The following PAH variants were observed in gnomAD, a reference collection of about 807,000 sequenced individuals.
The protein encoded by PAH is phenylalanine hydroxylase.
A neutral mutation model predicts 62.0 loss-of-function variants in PAH; 64 were observed. That is an observed-to-expected ratio of 1.03 (90% confidence interval 0.84 to 1.27). The LOEUF (loss-of-function observed/expected upper bound fraction) is 1.27, where lower values mean the gene tolerates loss of function less well. Among genes scored for constraint, PAH ranks in the 50% most tolerant of loss-of-function variants. PAH has a pLI of 0.00. For missense variants in PAH, 579 were observed against 542.8 expected (o/e 1.07, Z -0.66); for synonymous variants, 195 against 196.2 (o/e 0.99, Z 0.05).
rs1459776552 is a variant in PAH at position 102,855,197 on chromosome 12, C to T, written c.645G>A (p.Lys215=). The change falls in exon 6 of 13, where the codon AAG becomes AAA. Residue 215 remains lysine (K), a synonymous_variant. Transcript: ENST00000553106. ...EYNHIFPLLE[K]YCGFHEDNIP... ...TGTTATCTTCATGGAAGCCACAGTA[C>T]TTTTCAAGAAGTGGAAAAATGTGAT... is the stretch of plus-strand genomic sequence containing the variant. 1.9e-6 allele frequency: 3 copies of T among 1,614,160 alleles called. No individual in the cohort carries two copies. The highest frequency in any genetic ancestry group is 2.2e-5 in the South Asian group (2 of 91,076).
chr12:102,933,328 T>G (rs937106480), intron 1 of PAH, among the ~76,000 whole-genome samples: 2 of 152,218 alleles, frequency 1.3e-5, no homozygotes. Context: ...TATGGCTGAA[T>G]AGTACTCCAT....
intron 1 of PAH, among the ~76,000 whole-genome samples, chr12:102,913,543 T>C (rs1210081300): frequency 6.6e-6 from 1 of 151,868 alleles, no homozygotes; most frequent in South Asian, 2.1e-4. Context: ...ATTCAGAGGA[T>C]GAAAAAAGGA....
chr12:102,847,884 C>G (rs1284777308), intron 8 of PAH, among the ~76,000 whole-genome samples: 1 of 152,146 alleles, frequency 6.6e-6, no homozygotes, highest in Non-Finnish European at 1.5e-5. Flanking sequence ...GCTTGCATTT[C>G]TTTCCCAAGA....
chr12:102,862,946 GAA>G (rs35122890), intron 5 of PAH, among the ~76,000 whole-genome samples: 1 of 147,472 alleles, frequency 6.8e-6, no homozygotes, highest in Non-Finnish European at 1.5e-5. Flanking sequence ...CAATGATGGT[GAA>G]AAAAAAAAAA....
chr12:102,903,836 C>T (rs1403926720), intron 2 of PAH, among the ~76,000 whole-genome samples: 1 of 152,126 alleles, frequency 6.6e-6, no homozygotes, highest in Non-Finnish European at 1.5e-5. Flanking sequence ...TGCTTGTTTG[C>T]TTGTTCCCTT....
intron 9 of PAH, among the ~76,000 whole-genome samples, chr12:102,846,691 C>T (rs1874858634): frequency 6.6e-6 from 1 of 152,196 alleles, no homozygotes; most frequent in Non-Finnish European, 1.5e-5. Flanking sequence ...GAGATGTAAA[C>T]ATCTGTAGGT....
chr12:102,924,182 G>A (rs1172737127), intron 1 of PAH, among the ~76,000 whole-genome samples: 1 of 152,170 alleles, frequency 6.6e-6, no homozygotes, highest in East Asian at 1.9e-4. Flanking sequence ...CCAGCCATTT[G>A]TTTTAGTCTT....
intron 1 of PAH, chr12:102,958,177 C>G (rs1347740593): frequency 7.9e-7 from 1 of 1,260,270 alleles, no homozygotes; most frequent in Non-Finnish European, 1.0e-6. Context: ...CTCTGTGTCC[C>G]CCTCGCGGGC....
chr12:102,848,029 GGGCT>G (rs1874940597), intron 8 of PAH, among the ~76,000 whole-genome samples: 1 of 152,340 alleles, frequency 6.6e-6, no homozygotes, highest in East Asian at 1.9e-4. Flanking sequence ...AGATGTTTTA[GGGCT>G]TGAGTTTTTC....
intron 1 of PAH, among the ~76,000 whole-genome samples, chr12:102,933,194 T>G (rs1451626559): frequency 1.3e-5 from 2 of 152,188 alleles, no homozygotes; most frequent in Non-Finnish European, 2.9e-5. Flanking sequence ...TCTTTTTAAT[T>G]TTTAGCCTCC....
At chr12:102,897,922 G>A (rs960135025) in intron 2 of PAH, among the ~76,000 whole-genome samples, 1 of 152,174 alleles carries the variant, frequency 6.6e-6, no homozygotes, top group Non-Finnish European at 1.5e-5. Flanking sequence ...TGGGGGACTG[G>A]AGCTCATCTG....
chr12:102,883,683 C>A (rs1039744925), intron 3 of PAH, among the ~76,000 whole-genome samples: 2 of 152,184 alleles, frequency 1.3e-5, no homozygotes, highest in Non-Finnish European at 2.9e-5. Flanking sequence ...GGTAGCACTG[C>A]GAGGCTGCAG....
chr12:102,860,565 A>G (rs1337162132), intron 5 of PAH, among the ~76,000 whole-genome samples: 1 of 152,146 alleles, frequency 6.6e-6, no homozygotes, highest in Admixed American at 6.5e-5. Context: ...GAGGCATCAC[A>G]CTACCTGCCT....
chr12:102,910,525 C>G (rs966470586), intron 2 of PAH, among the ~76,000 whole-genome samples: 2 of 152,086 alleles, frequency 1.3e-5, no homozygotes, highest in East Asian at 1.9e-4. Context: ...CACCCACCAC[C>G]ACGCCGGGCT....
chr12:102,919,856 A>T (rs1343920234), upstream of PAH, among the ~76,000 whole-genome samples: 1 of 152,126 alleles, frequency 6.6e-6, no homozygotes, highest in Non-Finnish European at 1.5e-5. Context: ...GTTGATGGAG[A>T]CTTGGGTTGC....
chr12:102,937,126 C>T (rs762493115), intron 1 of PAH, among the ~76,000 whole-genome samples: 1 of 152,168 alleles, frequency 6.6e-6, no homozygotes, highest in Non-Finnish European at 1.5e-5. Flanking sequence ...TTTCCCAAGG[C>T]CTCCCCAGCC....
At chr12:102,846,985 C>T (rs1348217682) in intron 8 of PAH, 34 bp from the exon 9 acceptor site, 1 of 1,589,928 alleles carries the variant, frequency 6.3e-7, no homozygotes, top group East Asian at 2.2e-5. Flanking sequence ...CTGTTCTGTT[C>T]CTGTAATTGG....
At chr12:102,883,080 T>C (rs1245749404) in intron 3 of PAH, among the ~76,000 whole-genome samples, 2 of 152,162 alleles carry the variant, frequency 1.3e-5, no homozygotes, top group African/African-American at 2.4e-5. Context: ...TGGGCTTTAG[T>C]TTCTGTAACA....
At chr12:102,907,861 G>T (rs1307353394) in intron 2 of PAH, among the ~76,000 whole-genome samples, 1 of 152,082 alleles carries the variant, frequency 6.6e-6, no homozygotes, top group African/African-American at 2.4e-5. Context: ...CAAGTGATCT[G>T]CCCGCCTTGG....
Sources: allele counts gnomAD v4.1 joint callset (sites outside exome capture counted in the v4.1 genomes callset), GRCh38; gene constraint gnomAD v4.1.1; transcripts MANE v1.5; gene names NCBI Gene and HGNC (gene_info 2026-07-23, HGNC 2026-07-21).